The following STX8 variants were observed in gnomAD, a reference collection of about 807,000 sequenced individuals.
STX8 encodes the protein syntaxin 8, also known as syntaxin-8.
STX8 carries 23 observed loss-of-function variants against 37.5 expected under a neutral mutation model. The ratio of observed to expected loss-of-function variants is 0.61; its 90% confidence interval spans 0.44 to 0.87. STX8 has a LOEUF of 0.87. Ranked by LOEUF, STX8 falls within the 40% of genes least tolerant of loss-of-function variation. The probability of loss-of-function intolerance (pLI) is 0.00; values close to 1 mark genes in which losing one functional copy is unlikely to be tolerated. For missense variants in STX8, 313 were observed against 284.7 expected (o/e 1.10, Z -0.71); for synonymous variants, 115 against 99.1 (o/e 1.16, Z -0.95).
At chr17:9,447,228 C>A (rs1269429159) in intron 6 of STX8, among the ~76,000 whole-genome samples, 1 of 152,180 alleles carries the variant, frequency 6.6e-6, no homozygotes, top group Non-Finnish European at 1.5e-5. Context: ...GTGCGTTAAT[C>A]TGTTCCTGAA....
rs530053035 is a variant in STX8 at position 9,293,848 on chromosome 17, G to A, written c.644-43203C>T. Among the ~76,000 whole-genome samples the A allele has an allele frequency of 3.2e-4, 48 of 151,392 alleles. No individual in the cohort carries two copies. In the South Asian group the frequency reaches 6.1e-3, roughly 19 times the overall value. Reference sequence around the variant, plus strand: ...ACGATCTTGGCTCACTGCAAGCTCCGCCTCCCGGGTTCACGCCATTCTGCT... The same window carrying A: ...ACGATCTTGGCTCACTGCAAGCTCCACCTCCCGGGTTCACGCCATTCTGCT... On this transcript the variant is annotated intron_variant, in intron 7 of 7. Transcript: ENST00000306357.
chr17:9,485,591 GTTTTT>G (rs5819231), intron 6 of STX8, among the ~76,000 whole-genome samples: 2 of 145,976 alleles, frequency 1.4e-5, no homozygotes, highest in Non-Finnish European at 3.0e-5. Context: ...TTGTTTTTTG[GTTTTT>G]TTTTTTTGAG....
At chr17:9,280,809 C>A (rs972190586) in intron 7 of STX8, among the ~76,000 whole-genome samples, 7 of 152,186 alleles carry the variant, frequency 4.6e-5, no homozygotes, top group Non-Finnish European at 7.3e-5. Context: ...TACTGTGAGG[C>A]AACTAGGACT....
At chr17:9,353,300 T>C (rs1055909527) in intron 7 of STX8, among the ~76,000 whole-genome samples, 1 of 152,188 alleles carries the variant, frequency 6.6e-6, no homozygotes, top group African/African-American at 2.4e-5. Context: ...TAGGCTTGCC[T>C]TTTATCTTCC....
intron 7 of STX8, among the ~76,000 whole-genome samples, chr17:9,263,345 T>C (rs945164276): frequency 2.6e-5 from 4 of 151,936 alleles, no homozygotes; most frequent in Non-Finnish European, 4.4e-5. Context: ...CCGGGCATGG[T>C]GGCACATGCC....
intron 6 of STX8, among the ~76,000 whole-genome samples, chr17:9,432,184 T>C (rs1339201098): frequency 6.6e-6 from 1 of 151,894 alleles, no homozygotes; most frequent in African/African-American, 2.4e-5. Context: ...TAAGTAAAAA[T>C]AAAAAAGTTC....
intron 6 of STX8, among the ~76,000 whole-genome samples, chr17:9,415,759 A>C (rs1913169492): frequency 6.6e-6 from 1 of 151,752 alleles, no homozygotes; most frequent in Admixed American, 6.6e-5. Flanking sequence ...ACAGGGCAAG[A>C]CTCCGTCTCA....
At chr17:9,261,222 G>A (rs756942828) in intron 7 of STX8, among the ~76,000 whole-genome samples, 4 of 152,182 alleles carry the variant, frequency 2.6e-5, no homozygotes, top group Non-Finnish European at 4.4e-5. Context: ...TGAGGCCGCC[G>A]CTTGGTCAGT....
At chr17:9,327,370 A>G (rs1195589170) in intron 7 of STX8, among the ~76,000 whole-genome samples, 2 of 139,856 alleles carry the variant, frequency 1.4e-5, no homozygotes, top group Non-Finnish European at 3.0e-5. Flanking sequence ...GGAGAGGGAG[A>G]AGGAGGAGAA....
At chr17:9,404,191 T>G (rs1483597072) in intron 6 of STX8, among the ~76,000 whole-genome samples, 1 of 151,984 alleles carries the variant, frequency 6.6e-6, no homozygotes, top group Non-Finnish European at 1.5e-5. Context: ...ATCTTCACAT[T>G]GAGTAGGCTG....
At chr17:9,504,590 A>G (rs1904748361) in intron 5 of STX8, among the ~76,000 whole-genome samples, 1 of 151,980 alleles carries the variant, frequency 6.6e-6, no homozygotes, top group Admixed American at 6.6e-5. Flanking sequence ...TCTATTCCTC[A>G]GGTATCCTGA....
intron 7 of STX8, among the ~76,000 whole-genome samples, chr17:9,274,690 T>C (rs1831016877): frequency 8.2e-6 from 1 of 121,602 alleles, no homozygotes; most frequent in Non-Finnish European, 1.8e-5. Flanking sequence ...ATAATAATAA[T>C]AATAATAATA....
At chr17:9,447,579 T>C (rs1310380518) in intron 6 of STX8, among the ~76,000 whole-genome samples, 3 of 152,110 alleles carry the variant, frequency 2.0e-5, no homozygotes, top group East Asian at 2.0e-4. Context: ...CCTGCCACCA[T>C]ACCCAGCTAA....
At chr17:9,361,915 C>T (rs1330610991) in intron 7 of STX8, among the ~76,000 whole-genome samples, 2 of 152,204 alleles carry the variant, frequency 1.3e-5, no homozygotes, top group African/African-American at 2.4e-5. Context: ...CCACGCACGC[C>T]TCCATTTGAT....
chr17:9,316,796 G>A (rs1299030240), intron 7 of STX8, among the ~76,000 whole-genome samples: 1 of 152,174 alleles, frequency 6.6e-6, no homozygotes, highest in African/African-American at 2.4e-5. Context: ...TTTGACTTGT[G>A]ATTGACATTT....
chr17:9,571,316 A>G (rs1247091019), intron 1 of STX8, among the ~76,000 whole-genome samples: 3 of 152,122 alleles, frequency 2.0e-5, no homozygotes, highest in African/African-American at 4.8e-5. Flanking sequence ...TTCTGACTCA[A>G]CTGGTATGGG....
At chr17:9,484,235 C>T (rs1390291656) in intron 6 of STX8, among the ~76,000 whole-genome samples, 1 of 152,092 alleles carries the variant, frequency 6.6e-6, no homozygotes, top group Non-Finnish European at 1.5e-5. Flanking sequence ...GAGTGCCTCC[C>T]TTCAAGGGGG....
chr17:9,415,133 G>GGACA (rs1423724609), intron 6 of STX8, among the ~76,000 whole-genome samples: 1 of 152,054 alleles, frequency 6.6e-6, no homozygotes. Flanking sequence ...GCCTGAGGAA[G>GGACA]GACAATAGGC....
chr17:9,547,773 TTTTC>T (rs2079549986), intron 3 of STX8, among the ~76,000 whole-genome samples: 1 of 125,096 alleles, frequency 8.0e-6, no homozygotes, highest in Non-Finnish European at 1.7e-5. Context: ...TTTCCTTTTC[TTTTC>T]TTTTCTTTTT....
Sources: allele counts gnomAD v4.1 joint callset (sites outside exome capture counted in the v4.1 genomes callset), GRCh38; gene constraint gnomAD v4.1.1; transcripts MANE v1.5; gene names NCBI Gene and HGNC (gene_info 2026-07-23, HGNC 2026-07-21).